FMNL2: variants seen among roughly 807,000 people sequenced by gnomAD.
FMNL2 encodes formin-like protein 2.
Under a neutral mutation model 130.2 loss-of-function variants are expected in FMNL2, and 51 were observed. The observed-to-expected ratio is 0.39, with a 90% CI of 0.31 to 0.49. The LOEUF is 0.49. Ranked by LOEUF, FMNL2 falls within the 20% of genes least tolerant of loss-of-function variation. The probability of loss-of-function intolerance (pLI) is 0.85; values close to 1 mark genes in which losing one functional copy is unlikely to be tolerated. For missense variants in FMNL2, 977 were observed against 1,316.2 expected (o/e 0.74, Z 3.99); for synonymous variants, 465 against 467.1 (o/e 1.00, Z 0.06).
intron 13 of FMNL2, among the ~76,000 whole-genome samples, chr2:152,618,042 T>C (rs1374203152): frequency 6.6e-6 from 1 of 152,184 alleles, no homozygotes; most frequent in Non-Finnish European, 1.5e-5. Flanking sequence ...GAAGAATGTT[T>C]CCCTGCTTGC....
At chr2:152,338,545 T>G (rs564694729) in intron 1 of FMNL2, among the ~76,000 whole-genome samples, 6 of 152,208 alleles carry the variant, frequency 3.9e-5, no homozygotes, top group African/African-American at 1.4e-4. Flanking sequence ...TTAGTGGGTA[T>G]GAATGGAAAT....
At chr2:152,518,573 A>G (rs1692904131) in intron 1 of FMNL2, among the ~76,000 whole-genome samples, 1 of 151,318 alleles carries the variant, frequency 6.6e-6, no homozygotes, top group South Asian at 2.1e-4. Context: ...TTCTTCACCA[A>G]CTCCTCCAGA....
chr2:152,395,818 AAT>A (rs1444405333), intron 1 of FMNL2, among the ~76,000 whole-genome samples: 1 of 146,792 alleles, frequency 6.8e-6, no homozygotes, highest in African/African-American at 2.5e-5. Context: ...TCCTCTTTCA[AAT>A]ATGCTTCAAC....
intron 1 of FMNL2, among the ~76,000 whole-genome samples, chr2:152,469,719 T>C (rs1340250152): frequency 6.6e-6 from 1 of 152,210 alleles, no homozygotes; most frequent in Non-Finnish European, 1.5e-5. Context: ...CATGTTCTGA[T>C]CTTTTTCTTC....
chr2:152,452,727 T>C (rs1483215787), intron 1 of FMNL2, among the ~76,000 whole-genome samples: 2 of 141,206 alleles, frequency 1.4e-5, no homozygotes, highest in African/African-American at 4.9e-5. Flanking sequence ...GGGGATGCCA[T>C]GGGCCAAGGG....
At chr2:152,382,224 A>C (rs1684512510) in intron 1 of FMNL2, among the ~76,000 whole-genome samples, 1 of 152,176 alleles carries the variant, frequency 6.6e-6, no homozygotes, top group Non-Finnish European at 1.5e-5. Context: ...CAAAGAACCA[A>C]CTCACTCGTA....
At chr2:152,343,420 T>A (rs1031872350) in intron 1 of FMNL2, among the ~76,000 whole-genome samples, 3 of 152,126 alleles carry the variant, frequency 2.0e-5, no homozygotes. Context: ...CTCAGCCTCC[T>A]GAGTAGCTGG....
At chr2:152,408,320 CTT>C (rs1686107749) in intron 1 of FMNL2, among the ~76,000 whole-genome samples, 1 of 151,724 alleles carries the variant, frequency 6.6e-6, no homozygotes, top group African/African-American at 2.4e-5. Context: ...TCTTCTGTGT[CTT>C]TGTCGTATTA....
At chr2:152,354,820 A>G (rs1682695324) in intron 1 of FMNL2, among the ~76,000 whole-genome samples, 1 of 152,158 alleles carries the variant, frequency 6.6e-6, no homozygotes, top group South Asian at 2.1e-4. Flanking sequence ...CTGAGATAAA[A>G]TTCTCTGTGT....
intron 1 of FMNL2, among the ~76,000 whole-genome samples, chr2:152,344,149 C>G (rs1434272171): frequency 6.6e-6 from 1 of 152,042 alleles, no homozygotes; most frequent in East Asian, 1.9e-4. Flanking sequence ...AAGACTATCT[C>G]TAAAACAAAA....
At chr2:152,507,790 TG>T (rs1257207838) in intron 1 of FMNL2, among the ~76,000 whole-genome samples, 1 of 152,182 alleles carries the variant, frequency 6.6e-6, no homozygotes, top group African/African-American at 2.4e-5. Context: ...GAGATCTTTT[TG>T]TTCTCATTTT....
At position 152,521,957 on chromosome 2, in the gene FMNL2, A is replaced by G; in HGVS notation, c.132A>G (p.Leu44=). 1.2e-6 allele frequency: 2 copies of G among 1,612,382 alleles called. No homozygotes were observed. The highest frequency in any genetic ancestry group is 2.2e-5 in the South Asian group (2 of 90,754). ...RFAIVLNAMN[L]PPDKARLLRQ... Reference sequence around the variant, plus strand: ...TTTTTAAACAGAATGCTATGAACCTACCTCCTGACAAAGCCAGGTTACTGC... The same window carrying G: ...TTTTTAAACAGAATGCTATGAACCTGCCTCCTGACAAAGCCAGGTTACTGC... The change falls in exon 2 of 26, where the codon CTA becomes CTG. Residue 44 remains leucine, a synonymous_variant. Coordinates refer to ENST00000288670, the MANE Select transcript of FMNL2 (RefSeq NM_052905.4).
chr2:152,473,525 A>T (rs996657346), intron 1 of FMNL2, among the ~76,000 whole-genome samples: 5 of 152,318 alleles, frequency 3.3e-5, no homozygotes, highest in African/African-American at 1.2e-4. Context: ...TTTTTAGTGT[A>T]CTGAGATGGT....
chr2:152,593,051 GA>G (rs1697522293), intron 9 of FMNL2, among the ~76,000 whole-genome samples: 1 of 152,158 alleles, frequency 6.6e-6, no homozygotes, highest in African/African-American at 2.4e-5. Context: ...ATTTGATGGA[GA>G]GAATTCTGGG....
intron 11 of FMNL2, among the ~76,000 whole-genome samples, chr2:152,614,329 G>T (rs1178107295): frequency 6.6e-6 from 1 of 152,178 alleles, no homozygotes; most frequent in East Asian, 1.9e-4. Context: ...TGTGCATTTG[G>T]GAGAGCGTAT....
chr2:152,342,707 A>G (rs946662150), intron 1 of FMNL2, among the ~76,000 whole-genome samples: 10 of 152,186 alleles, frequency 6.6e-5, no homozygotes, highest in African/African-American at 2.4e-4. Context: ...GCCAAGGACT[A>G]TGCAGTTTCC....
chr2:152,358,671 C>T (rs1406950240), intron 1 of FMNL2, among the ~76,000 whole-genome samples: 1 of 135,732 alleles, frequency 7.4e-6, no homozygotes, highest in East Asian at 2.1e-4. Flanking sequence ...AAACTTCCTT[C>T]ATGTATACAT....
At chr2:152,541,916 G>A (rs924715754) in intron 2 of FMNL2, among the ~76,000 whole-genome samples, 2 of 149,558 alleles carry the variant, frequency 1.3e-5, no homozygotes, top group Admixed American at 6.6e-5. Flanking sequence ...CTTCTACCCA[G>A]GTTTTTACTG....
chr2:152,603,398 TG>T (rs899707176), intron 9 of FMNL2, among the ~76,000 whole-genome samples: 4 of 118,014 alleles, frequency 3.4e-5, no homozygotes, highest in Middle Eastern at 5.1e-3. Flanking sequence ...TATTTAAGTC[TG>T]TTTTTTTTTT....
Sources: allele counts gnomAD v4.1 joint callset (sites outside exome capture counted in the v4.1 genomes callset), GRCh38; gene constraint gnomAD v4.1.1; transcripts MANE v1.5; gene names NCBI Gene and HGNC (gene_info 2026-07-23, HGNC 2026-07-21).